Variants in PDZRN4 observed in about 807,000 individuals in gnomAD.
The protein encoded by PDZRN4 is PDZ domain-containing RING finger protein 4.
In PDZRN4, 70 loss-of-function variants were observed where a neutral mutation model predicts 99.0. That is an observed-to-expected ratio of 0.71 (90% CI 0.58 to 0.86). The LOEUF is 0.86. PDZRN4 is among the 40% of genes least tolerant of loss of function. The probability of loss-of-function intolerance (pLI) is 0.00; values close to 1 mark genes in which losing one functional copy is unlikely to be tolerated. For synonymous variants in PDZRN4, 551 were observed against 501.6 expected (o/e 1.10, Z -1.32); for missense variants, 1,474 against 1,331.2 (o/e 1.11, Z -1.67).
At chr12:41,523,273 G>A (rs1233983836) in intron 5 of PDZRN4, among the ~76,000 whole-genome samples, 1 of 152,084 alleles carries the variant, frequency 6.6e-6, no homozygotes, top group African/African-American at 2.4e-5. Flanking sequence ...ATGGCTGCCA[G>A]TTTTCCCAAT....
At chr12:41,285,585 G>A (rs1386500543) in intron 3 of PDZRN4, among the ~76,000 whole-genome samples, 1 of 152,114 alleles carries the variant, frequency 6.6e-6, no homozygotes, top group Non-Finnish European at 1.5e-5. Flanking sequence ...GTTCACAATA[G>A]CAAAGAGTTG....
intron 3 of PDZRN4, among the ~76,000 whole-genome samples, chr12:41,333,736 C>T (rs1951754400): frequency 1.3e-5 from 2 of 152,130 alleles, no homozygotes; most frequent in Admixed American, 6.6e-5. Context: ...GACTATTGAG[C>T]ATTAACTGTT....
At position 41,297,407 on chromosome 12, in the gene PDZRN4, G is replaced by A. The variant is rs549641692; in HGVS notation, c.843+103219G>A. Among the ~76,000 whole-genome samples the A allele has an allele frequency of 2.0e-5, 3 of 152,168 alleles. No homozygotes were observed. In the South Asian group the frequency reaches 6.2e-4, roughly 32 times the overall value. On this transcript the variant is annotated intron_variant, in intron 3 of 9. Transcript: ENST00000402685. ...ATGTATTTCAAAGGCCCTAGTTCTG[G>A]CCCTGGTCCTGTCCCTGACCCCAGC...
At chr12:41,485,976 GA>G (rs1443834230) in intron 3 of PDZRN4, among the ~76,000 whole-genome samples, 1 of 152,146 alleles carries the variant, frequency 6.6e-6, no homozygotes, top group Non-Finnish European at 1.5e-5. Flanking sequence ...AGAAAAAATG[GA>G]AAGGTGACAG....
intron 3 of PDZRN4, among the ~76,000 whole-genome samples, chr12:41,369,661 A>G (rs1952026857): frequency 6.6e-6 from 1 of 151,936 alleles, no homozygotes; most frequent in Non-Finnish European, 1.5e-5. Flanking sequence ...GTCTTTACGC[A>G]TTTATATCAT....
In PDZRN4 at chr12:41,378,520, A is replaced by ATTTTTTTTTTTTTTTTTTTT. The variant is rs71081733; in HGVS notation, c.844-127917_844-127916insTTTTTTTTTTTTTTTTTTTT. On this transcript the variant is annotated intron_variant, in intron 3 of 9. Transcript: ENST00000402685. Reference sequence around the variant, plus strand: ...TTTGGAAGTGCTCCTTCTGTCTTCAATTTTTTTTTTTTTTTTTTTGAGACA... The same window carrying ATTTTTTTTTTTTTTTTTTTT: ...TTTGGAAGTGCTCCTTCTGTCTTCAATTTTTTTTTTTTTTTTTTTTTTTTTTTTTTTTTTTTTTTGAGACA... Among the ~76,000 whole-genome samples, 46 of 102,836 alleles carry ATTTTTTTTTTTTTTTTTTTT rather than the reference A, an allele frequency of 4.5e-4. 3 individuals are homozygous for ATTTTTTTTTTTTTTTTTTTT. The highest frequency in any genetic ancestry group is 1.7e-3 in the African/African-American group (45 of 26,758). 67.5% of individuals were successfully genotyped at this position (102,836 alleles called of 152,430 possible).
chr12:41,215,917 T>C (rs1950918205), intron 3 of PDZRN4, among the ~76,000 whole-genome samples: 1 of 151,908 alleles, frequency 6.6e-6, no homozygotes, highest in African/African-American at 2.4e-5. Flanking sequence ...TACGAGGATT[T>C]AGTTAGGTAA....
chr12:41,483,552 T>G (rs1937717462), intron 3 of PDZRN4, among the ~76,000 whole-genome samples: 1 of 152,132 alleles, frequency 6.6e-6, no homozygotes, highest in Non-Finnish European at 1.5e-5. Context: ...GCTATTCCTT[T>G]GTAAAAGCAT....
At chr12:41,504,544 A>C (rs1592088195) in intron 3 of PDZRN4, among the ~76,000 whole-genome samples, 1 of 152,182 alleles carries the variant, frequency 6.6e-6, no homozygotes, top group Admixed American at 6.6e-5. Context: ...GATATTATTC[A>C]ATGAAAGGGG....
chr12:41,417,436 T>C (rs1952454456), intron 3 of PDZRN4, among the ~76,000 whole-genome samples: 1 of 152,232 alleles, frequency 6.6e-6, no homozygotes, highest in East Asian at 1.9e-4. Context: ...TATGATGATG[T>C]TCTTCCTTAA....
At chr12:41,524,944 G>T (rs900648438) in intron 5 of PDZRN4, among the ~76,000 whole-genome samples, 1 of 152,062 alleles carries the variant, frequency 6.6e-6, no homozygotes, top group African/African-American at 2.4e-5. Context: ...CATTATTGCT[G>T]ATTGACTAAT....
intron 3 of PDZRN4, among the ~76,000 whole-genome samples, chr12:41,314,812 A>T (rs1013001858): frequency 6.7e-6 from 1 of 150,086 alleles, no homozygotes; most frequent in Admixed American, 6.7e-5. Context: ...GTTCACTATG[A>T]TTTTTTTTCT....
At chr12:41,218,275 C>T (rs1222441193) in intron 3 of PDZRN4, among the ~76,000 whole-genome samples, 1 of 152,002 alleles carries the variant, frequency 6.6e-6, no homozygotes, top group Non-Finnish European at 1.5e-5. Context: ...GATACCTTGT[C>T]CCTTGGTCAG....
chr12:41,400,849 A>C (rs1269411865), intron 3 of PDZRN4, among the ~76,000 whole-genome samples: 4 of 152,206 alleles, frequency 2.6e-5, no homozygotes, highest in Admixed American at 2.6e-4. Flanking sequence ...AGGGAAATAT[A>C]GCCAACTTGG....
At chr12:41,538,125 A>C (rs1938780251) in intron 5 of PDZRN4, among the ~76,000 whole-genome samples, 1 of 152,156 alleles carries the variant, frequency 6.6e-6, no homozygotes, top group Non-Finnish European at 1.5e-5. Context: ...TTGTATTTTA[A>C]AATAATGCTT....
At chr12:41,509,676 TAGTTTGTTTAAAGACTAGATC>T in intron 4 of PDZRN4, 114 bp from the exon 5 acceptor site, 1 of 494,786 alleles carries the variant, frequency 2.0e-6, no homozygotes, top group Non-Finnish European at 3.6e-6. Flanking sequence ...TCCTCAGCTG[TAGTTTGTTTAAAGACTAGATC>T]ACTACAGATC....
At chr12:41,213,539 GCCAGTAAAGCCCTTT>G (rs1950901158) in intron 3 of PDZRN4, among the ~76,000 whole-genome samples, 1 of 152,010 alleles carries the variant, frequency 6.6e-6, no homozygotes, top group Non-Finnish European at 1.5e-5. Context: ...GTCTGGTTGG[GCCAGTAAAGCCCTTT>G]CCTCATCCCT....
chr12:41,508,360 C>T (rs1428520447), intron 4 of PDZRN4, among the ~76,000 whole-genome samples: 2 of 152,138 alleles, frequency 1.3e-5, no homozygotes, highest in Non-Finnish European at 2.9e-5. Flanking sequence ...ACCATGTGCT[C>T]CCAAGGCTCC....
chr12:41,394,459 T>C (rs897623204), intron 3 of PDZRN4, among the ~76,000 whole-genome samples: 1 of 152,152 alleles, frequency 6.6e-6, no homozygotes, highest in Non-Finnish European at 1.5e-5. Flanking sequence ...GTTTCAATTA[T>C]TGCATAACAA....
Sources: allele counts gnomAD v4.1 joint callset (sites outside exome capture counted in the v4.1 genomes callset), GRCh38; gene constraint gnomAD v4.1.1; transcripts MANE v1.5; gene names NCBI Gene and HGNC (gene_info 2026-07-23, HGNC 2026-07-21).